MAGI2: variants seen among roughly 807,000 people sequenced by gnomAD.
MAGI2 encodes membrane-associated guanylate kinase, WW and PDZ domain-containing protein 2.
In MAGI2, 35 loss-of-function variants were observed where a neutral mutation model predicts 133.3. That is an observed-to-expected ratio of 0.26 (90% CI 0.20 to 0.35). MAGI2 has a LOEUF of 0.35. MAGI2 is among the 10% of genes least tolerant of loss of function. MAGI2 has a pLI of 1.00. For synonymous variants in MAGI2, 729 were observed against 710.6 expected (o/e 1.03, Z -0.41); for missense variants, 1,636 against 1,863.4 (o/e 0.88, Z 2.25).
chr7:78,294,703 G>A (rs1044311223), intron 9 of MAGI2, among the ~76,000 whole-genome samples: 1 of 152,042 alleles, frequency 6.6e-6, no homozygotes, highest in African/African-American at 2.4e-5. Flanking sequence ...CCAACCAACC[G>A]ATCAACAAGT....
At chr7:78,569,475 A>G (rs1196279696) in intron 3 of MAGI2, among the ~76,000 whole-genome samples, 1 of 152,196 alleles carries the variant, frequency 6.6e-6, no homozygotes, top group Non-Finnish European at 1.5e-5. Context: ...AATGCACGTT[A>G]TATATCTAGG....
intron 2 of MAGI2, among the ~76,000 whole-genome samples, chr7:78,893,913 A>G (rs1796987447): frequency 6.6e-6 from 1 of 152,182 alleles, no homozygotes; most frequent in Non-Finnish European, 1.5e-5. Flanking sequence ...CACTTTTCTT[A>G]GGTAATAGTC....
chr7:78,388,454 G>C (rs549640017), intron 6 of MAGI2, among the ~76,000 whole-genome samples: 1 of 152,158 alleles, frequency 6.6e-6, no homozygotes, highest in African/African-American at 2.4e-5. Context: ...AAAGAAAAAG[G>C]CTTTCTGGAA....
intron 1 of MAGI2, among the ~76,000 whole-genome samples, chr7:79,216,432 C>T (rs1830041881): frequency 6.6e-6 from 1 of 151,858 alleles, no homozygotes; most frequent in African/African-American, 2.4e-5. Flanking sequence ...GCCCTCTGCC[C>T]TTGTGAAAAG....
chr7:78,831,565 T>G (rs1225918726), intron 2 of MAGI2, among the ~76,000 whole-genome samples: 2 of 152,136 alleles, frequency 1.3e-5, no homozygotes, highest in Admixed American at 6.5e-5. Flanking sequence ...TTTAAAATGT[T>G]TATTAGAGGT....
intron 2 of MAGI2, among the ~76,000 whole-genome samples, chr7:78,772,873 A>G (rs2151323312): frequency 6.6e-6 from 1 of 152,348 alleles, no homozygotes; most frequent in East Asian, 1.9e-4. Context: ...AAAAAACATA[A>G]AAGATTTCAC....
chr7:78,129,585 T>C (rs1479500924), intron 18 of MAGI2, among the ~76,000 whole-genome samples: 1 of 152,096 alleles, frequency 6.6e-6, no homozygotes, highest in East Asian at 1.9e-4. Context: ...TTTTTTGTGG[T>C]ATGAAAAAGT....
rs561719853 is a variant in MAGI2 at position 78,790,585 on chromosome 7, C to A, written c.419-163346G>T. ...AATAGCTTGGATTACAGGCGCCCAC[C>A]ACCATGCCCAGCTAATTTTTGTATT... On this transcript the variant is annotated intron_variant, in intron 2 of 21. Transcript: ENST00000354212. Among the ~76,000 whole-genome samples the A allele has an allele frequency of 1.9e-3, 288 of 152,176 alleles. 1 individual carries two copies. The highest frequency in any genetic ancestry group is 6.8e-3 in the African/African-American group (281 of 41,514).
chr7:78,931,998 CAA>C (rs72358342), intron 2 of MAGI2, among the ~76,000 whole-genome samples: 137 of 79,020 alleles, frequency 1.7e-3, no homozygotes, highest in African/African-American at 1.7e-3. Context: ...AAAAGGAAGG[CAA>C]AAAAAAAAAA....
chr7:78,890,522 ACTGT>A (rs1277874891), intron 2 of MAGI2, among the ~76,000 whole-genome samples: 3 of 152,178 alleles, frequency 2.0e-5, no homozygotes, highest in African/African-American at 7.2e-5. Flanking sequence ...ATTATAACAA[ACTGT>A]CTCTCAGACC....
At chr7:78,355,142 G>A (rs964117172) in intron 7 of MAGI2, among the ~76,000 whole-genome samples, 1 of 152,162 alleles carries the variant, frequency 6.6e-6, no homozygotes, top group African/African-American at 2.4e-5. Context: ...TGAGATGATA[G>A]TTTCATGTAA....
chr7:79,308,461 C>T (rs375096870), intron 1 of MAGI2, among the ~76,000 whole-genome samples: 5,038 of 152,232 alleles, frequency 0.033, 113 homozygotes, highest in African/African-American at 0.056. Flanking sequence ...ACATTCTTCC[C>T]TTCCTCCACA....
At chr7:79,301,637 T>C (rs1213742765) in intron 1 of MAGI2, among the ~76,000 whole-genome samples, 1 of 152,192 alleles carries the variant, frequency 6.6e-6, no homozygotes. Flanking sequence ...TTTTGGTTAA[T>C]GCTAGAACAA....
intron 4 of MAGI2, among the ~76,000 whole-genome samples, chr7:78,512,106 G>C (rs1254959361): frequency 6.6e-6 from 1 of 150,646 alleles, no homozygotes; most frequent in Non-Finnish European, 1.5e-5. Context: ...CTGGGTGATG[G>C]AGCGAGACTT....
At position 78,511,551 on chromosome 7, in the gene MAGI2, A is replaced by ATT. The variant is rs760565213; in HGVS notation, c.755-9766_755-9765dup. Among the ~76,000 whole-genome samples, 123 of 127,872 alleles carry ATT rather than the reference A, an allele frequency of 9.6e-4. 1 individual carries two copies. Among genetic ancestry groups the ATT allele is most frequent in the Middle Eastern group, 4.2e-3 (1 of 238 alleles). 83.9% of individuals were successfully genotyped at this position (127,872 alleles called of 152,430 possible). ...CCATCTTTTATATATATATATATAA[A>ATT]TTTTTTTTTTTTTTTTTTTGACACA... is the stretch of plus-strand genomic sequence containing the variant. On this transcript the variant is annotated intron_variant, in intron 4 of 21. Transcript: ENST00000354212.
In MAGI2 at chr7:78,178,018, C is replaced by A; in HGVS notation, c.2396G>T (p.Gly799Val). 1 of 1,611,018 alleles carries A rather than the reference C, an allele frequency of 6.2e-7. No homozygotes were observed. Among genetic ancestry groups the A allele is most frequent in the Non-Finnish European group, 8.5e-7 (1 of 1,177,434 alleles). ...AAAGAAGATTCAACTTACAGGCTGT[C>A]CAGGCTCATCTCCCCCGAGGATTCT... ...GFRILGGDEP[G>V]QPILIGAVIA... The change falls in exon 14 of 22, where the codon GGA becomes GTA. Residue 799 changes from glycine (G) to valine (V), a missense_variant. By Grantham distance (109) the Gly-to-Val change is moderately radical (BLOSUM62 -3). This residue lies in a region of MAGI2 where 920 missense variants were observed against 1,093.5 expected (regional missense o/e 0.84). Transcript: ENST00000354212.
At chr7:79,437,584 C>G (rs1157425396) in intron 1 of MAGI2, among the ~76,000 whole-genome samples, 1 of 151,950 alleles carries the variant, frequency 6.6e-6, no homozygotes, top group Non-Finnish European at 1.5e-5. Context: ...AGAGTAATTC[C>G]TAGTACAACC....
chr7:78,862,403 T>C (rs760418361), intron 2 of MAGI2, among the ~76,000 whole-genome samples: 200 of 152,218 alleles, frequency 1.3e-3, no homozygotes, highest in Non-Finnish European at 2.3e-3. Context: ...CAAAGATTTC[T>C]GGGTGCTTGT....
At chr7:78,354,076 C>T (rs1791809927) in intron 7 of MAGI2, among the ~76,000 whole-genome samples, 1 of 152,162 alleles carries the variant, frequency 6.6e-6, no homozygotes, top group Non-Finnish European at 1.5e-5. Context: ...AATTCCCAAG[C>T]ATTTCTGCAT....
Sources: gnomAD v4.1 joint callset for allele counts (sites outside exome capture counted in the v4.1 genomes callset) on GRCh38, gnomAD v4.1.1 for gene constraint, gnomAD v4.1.1 regional missense constraint, MANE v1.5 for transcripts, NCBI Gene and HGNC (gene_info 2026-07-23, HGNC 2026-07-21) for gene names.